Variants in RASA1 observed in about 807,000 individuals in gnomAD.
RASA1 encodes the protein RAS p21 protein activator 1, also known as ras GTPase-activating protein 1.
A neutral mutation model predicts 132.2 loss-of-function variants in RASA1; 25 were observed. The observed-to-expected ratio is 0.19, with a 90% CI of 0.14 to 0.26. The LOEUF is 0.26. Ranked by LOEUF, RASA1 falls within the 10% of genes least tolerant of loss-of-function variation. The pLI, the probability that RASA1 is intolerant of heterozygous loss-of-function variation, is 1.00. For synonymous variants in RASA1, 477 were observed against 449.9 expected (o/e 1.06, Z -0.76); for missense variants, 964 against 1,299.2 (o/e 0.74, Z 3.97).
In RASA1 at chr5:87,378,481, T is replaced by G; in HGVS notation, c.2430T>G (p.Val810=). Residue 810 remains valine (V), a synonymous_variant, in exon 18 of 25, where the codon GTT becomes GTG. Coordinates refer to ENST00000274376, the MANE Select transcript of RASA1 (RefSeq NM_002890.3). ...TGAAAGCCACTGCTACACAGTTTGT[T>G]CATCATGCTTTGAAAGACTCTATTT... The part of the protein sequence containing the change: ...QYMKATATQF[V]HHALKDSILK... 6.2e-7 allele frequency: 1 copy of G among 1,612,540 alleles called. No homozygotes were observed. The highest frequency in any genetic ancestry group is 1.1e-5 in the South Asian group (1 of 91,064).
intron 1 of RASA1, among the ~76,000 whole-genome samples, chr5:87,303,792 G>T (rs1177336943): frequency 6.7e-6 from 1 of 149,620 alleles, no homozygotes; most frequent in Admixed American, 6.6e-5. Flanking sequence ...CTAATGAATT[G>T]ATTACTGTAT....
chr5:87,378,805 T>G (rs553387752), intron 18 of RASA1, among the ~76,000 whole-genome samples: 20 of 152,272 alleles, frequency 1.3e-4, no homozygotes, highest in Admixed American at 5.9e-4. Flanking sequence ...GTACTAATAA[T>G]CTATATACTA....
chr5:87,386,944 G>C (rs1323168568), intron 23 of RASA1, 41 bp downstream of exon 23: 1 of 1,503,144 alleles, frequency 6.7e-7, no homozygotes, highest in South Asian at 1.1e-5. Context: ...AAGACTTCTA[G>C]TTGATATAGC....
Position 87,349,417 on chromosome 5 carries a change from C to G in RASA1, c.1253+53C>G, listed in dbSNP as rs1034508015. 1.9e-5 allele frequency: 30 copies of G among 1,576,414 alleles called. No individual in the cohort carries two copies. The South Asian group carries it at 3.0e-4, about 16-fold the overall frequency. On this transcript the variant is annotated intron_variant, in intron 8 of 24. Coordinates refer to ENST00000274376, the MANE Select transcript of RASA1 (RefSeq NM_002890.3). ...TACTTTTCGCAAAAATAGTTGAAAT[C>G]TTGATAATACAGTATTCAGAGTCAA... is the stretch of plus-strand genomic sequence containing the variant.
chr5:87,372,273 G>C (rs1761004996), intron 13 of RASA1, 78 bp downstream of exon 13: 1 of 1,360,780 alleles, frequency 7.3e-7, no homozygotes. Flanking sequence ...ATTTTTATCT[G>C]AACTGTTTTG....
In RASA1 at chr5:87,391,667, A is replaced by T. The variant is rs1450866162; in HGVS notation, c.*784A>T. 5 of 232,988 alleles carry T rather than the reference A, an allele frequency of 2.1e-5. No individual in the cohort carries two copies. Among genetic ancestry groups the T allele is most frequent in the Admixed American group, 1.7e-4 (3 of 17,844 alleles). 14.4% of individuals were successfully genotyped at this position (232,988 alleles called of 1,614,324 possible). A position where few individuals can be genotyped will look rare whatever the true frequency, so the allele number is the denominator to read the frequency against. ...CATGTTACCCATTCAACCATTTTAT[A>T]GACTACCAATTTCTTTTATGTTAAC... On this transcript the variant is annotated 3_prime_UTR_variant, in exon 25 of 25. Coordinates refer to ENST00000274376, the MANE Select transcript of RASA1 (RefSeq NM_002890.3).
intron 7 of RASA1, among the ~76,000 whole-genome samples, chr5:87,348,640 ATT>A (rs1004683068): frequency 6.9e-6 from 1 of 145,450 alleles, no homozygotes; most frequent in African/African-American, 2.5e-5. Context: ...TTACTTTTTA[ATT>A]TTTTTTTTTT....
At chr5:87,303,960 A>C (rs1030075311) in intron 1 of RASA1, among the ~76,000 whole-genome samples, 1 of 145,810 alleles carries the variant, frequency 6.9e-6, no homozygotes, top group Non-Finnish European at 1.5e-5. Flanking sequence ...CAGCCTCCCA[A>C]GTAGCTGGGA....
chr5:87,287,547 C>T (rs990887382), intron 1 of RASA1, among the ~76,000 whole-genome samples: 1 of 145,438 alleles, frequency 6.9e-6, no homozygotes, highest in African/African-American at 2.6e-5. Context: ...CATATATACA[C>T]ACCATATATA....
rs148198066 is a variant in RASA1, at chr5:87,356,518, T to G, written c.1332+3283T>G. Reference sequence around the variant, plus strand: ...AATCCTCCTGCCTCAGGCTCCCCAGTAGCTAGGACTGCAGGTGTACACCAC... The same window carrying G: ...AATCCTCCTGCCTCAGGCTCCCCAGGAGCTAGGACTGCAGGTGTACACCAC... On this transcript the variant is annotated intron_variant, in intron 9 of 24. Transcript: ENST00000274376. Among the ~76,000 whole-genome samples the G allele has an allele frequency of 3.4e-3, 519 of 152,136 alleles. 5 individuals carry two copies. The highest frequency in any genetic ancestry group is 0.012 in the African/African-American group (502 of 41,498).
At chr5:87,388,527 T>G (rs1762228994) in intron 23 of RASA1, among the ~76,000 whole-genome samples, 1 of 152,222 alleles carries the variant, frequency 6.6e-6, no homozygotes, top group African/African-American at 2.4e-5. Context: ...CTGGCAAGTA[T>G]ACTGCAAATA....
At position 87,268,838 on chromosome 5, in the gene RASA1, G is replaced by T; in HGVS notation, c.387G>T (p.Gly129=). ...LPTSLLAETL[G]PGGGFPPLPP... Reference sequence around the variant, plus strand: ...CTTCGTTGCTTGCTGAGACTCTCGGGCCAGGCGGCGGTTTTCCCCCTCTGC... The same window carrying T: ...CTTCGTTGCTTGCTGAGACTCTCGGTCCAGGCGGCGGTTTTCCCCCTCTGC... The change falls in exon 1 of 25, where the codon GGG becomes GGT. Residue 129 remains glycine (G), a synonymous_variant. Transcript: ENST00000274376. 6.2e-7 allele frequency: 1 copy of T among 1,614,124 alleles called. No homozygotes were observed. Among genetic ancestry groups the T allele is most frequent in the Non-Finnish European group, 8.5e-7 (1 of 1,180,032 alleles).
intron 20 of RASA1, among the ~76,000 whole-genome samples, chr5:87,381,002 A>T (rs1761675384): frequency 6.6e-6 from 1 of 152,224 alleles, no homozygotes; most frequent in Non-Finnish European, 1.5e-5. Context: ...GCTAATCAGA[A>T]CCAGAACATG....
intron 1 of RASA1, among the ~76,000 whole-genome samples, chr5:87,290,659 C>T (rs1458747851): frequency 1.3e-5 from 2 of 152,188 alleles, no homozygotes; most frequent in Non-Finnish European, 2.9e-5. Context: ...TTCCTTCCCC[C>T]TTAGCCCCTG....
chr5:87,376,122 A>G (rs1452582168), intron 15 of RASA1: 1 of 482,724 alleles, frequency 2.1e-6, no homozygotes. Context: ...CTGAAACATA[A>G]TTGATTTCTT....
rs115196228 is a variant in RASA1 at position 87,290,130 on chromosome 5, C to T, written c.539+21140C>T. On this transcript the variant is annotated intron_variant, in intron 1 of 24. Coordinates refer to ENST00000274376, the MANE Select transcript of RASA1 (RefSeq NM_002890.3). ...TTATATAGCTTGTTCTGGGTGAAAC[C>T]CTTCTGCCTTGCATCTTTACCCATT... Among the ~76,000 whole-genome samples the T allele has an allele frequency of 4.3e-3, 657 of 152,164 alleles. 4 individuals carry two copies. Among genetic ancestry groups the T allele is most frequent in the African/African-American group, 0.015 (602 of 41,504 alleles).
rs762661391 is a variant in RASA1, at chr5:87,268,865, C to G, written c.414C>G (p.Pro138=). The change falls in exon 1 of 25, where the codon CCC becomes CCG. Residue 138 remains proline (P), a synonymous_variant. Coordinates refer to ENST00000274376, the MANE Select transcript of RASA1 (RefSeq NM_002890.3). ...LGPGGGFPPL[P]PPPYLPPLGA... ...CAGGCGGCGGTTTTCCCCCTCTGCC[C>G]CCTCCCCCTTACCTGCCCCCTTTGG... 6.7e-5 allele frequency: 108 copies of G among 1,614,044 alleles called. No individual in the cohort carries two copies. Among genetic ancestry groups the G allele is most frequent in the Non-Finnish European group, 8.9e-5 (105 of 1,180,030 alleles).
chr5:87,378,832 A>G (rs1252209369), intron 18 of RASA1, among the ~76,000 whole-genome samples: 1 of 152,196 alleles, frequency 6.6e-6, no homozygotes, highest in Non-Finnish European at 1.5e-5. Context: ...GAAAGCGTGC[A>G]TAAGATAAAT....
Position 87,391,631 on chromosome 5 carries a change from A to T in RASA1, c.*748A>T, listed in dbSNP as rs757684576. On this transcript the variant is annotated 3_prime_UTR_variant, in exon 25 of 25. Transcript: ENST00000274376. ...TTCAGTAAATATTATTGGTTGTTGTATTGATCAATGCATGTTACCCATTCA... is the reference window on the plus strand; with the variant it reads ...TTCAGTAAATATTATTGGTTGTTGTTTTGATCAATGCATGTTACCCATTCA... 62 of 234,238 alleles carry T rather than the reference A, an allele frequency of 2.6e-4. No homozygotes were observed. The highest frequency in any genetic ancestry group is 6.7e-5 in the Non-Finnish European group (8 of 118,582). The allele number at this position is 234,238 out of a possible 1,614,324, so 14.5% of individuals were successfully genotyped here.
Sources: gnomAD v4.1 joint callset for allele counts (sites outside exome capture counted in the v4.1 genomes callset) on GRCh38, gnomAD v4.1.1 for gene constraint, MANE v1.5 for transcripts, NCBI Gene and HGNC (gene_info 2026-07-23, HGNC 2026-07-21) for gene names.